The following ZSCAN22 variants were observed in gnomAD, a reference collection of about 807,000 sequenced individuals.
ZSCAN22 encodes the protein zinc finger and SCAN domain-containing protein 22.
ZSCAN22 carries 7 observed loss-of-function variants against 12.4 expected under a neutral mutation model. The ratio of observed to expected loss-of-function variants is 0.57; its 90% confidence interval spans 0.32 to 1.06. The LOEUF (loss-of-function observed/expected upper bound fraction) is 1.06. ZSCAN22 is among the 50% of genes least tolerant of loss of function. The probability of loss-of-function intolerance (pLI) is 0.04; values close to 1 mark genes in which losing one functional copy is unlikely to be tolerated. For synonymous variants in ZSCAN22, 243 were observed against 255.9 expected (o/e 0.95, Z 0.48); for missense variants, 576 against 631.7 (o/e 0.91, Z 0.94).
intron 1 of ZSCAN22, among the ~76,000 whole-genome samples, chr19:58,332,729 C>T (rs1479594881): frequency 6.6e-6 from 1 of 152,156 alleles, no homozygotes; most frequent in African/African-American, 2.4e-5. Flanking sequence ...GATTGTTTCT[C>T]CTTTTTTGCT....
intron 1 of ZSCAN22, among the ~76,000 whole-genome samples, chr19:58,331,750 T>C (rs1455419315): frequency 5.3e-5 from 8 of 151,030 alleles, no homozygotes. Context: ...TTTAATCATG[T>C]TGGCCAGGAT....
intron 1 of ZSCAN22, among the ~76,000 whole-genome samples, chr19:58,328,133 G>A (rs2051678581): frequency 6.6e-6 from 1 of 152,244 alleles, no homozygotes; most frequent in South Asian, 2.1e-4. Context: ...TTATAGGCAT[G>A]AGCCACCATG....
rs757093051 is a variant in ZSCAN22 at position 58,334,998 on chromosome 19, G to A, written c.196G>A (p.Ala66Thr). ...RYEEASGPHEALAHLRALCCQ... is the reference protein window; with the variant it reads ...RYEEASGPHETLAHLRALCCQ... ...TGAGGAGGCATCTGGTCCACACGAG[G>A]CCCTGGCCCACCTCCGAGCGCTGTG... is the stretch of plus-strand genomic sequence containing the variant. The change falls in exon 2 of 3, where the codon GCC (alanine) becomes ACC (threonine). Residue 66 changes from alanine (A) to threonine (T), a missense_variant. Ala to Thr is a moderately conservative substitution (Grantham distance 58). Transcript: ENST00000329665. 18 of 1,613,964 alleles carry A rather than the reference G, an allele frequency of 1.1e-5. 1 individual carries two copies. The Admixed American group carries it at 1.2e-4, about 10-fold the overall frequency.
chr19:58,336,189 C>A (rs1350853794), intron 2 of ZSCAN22, among the ~76,000 whole-genome samples: 1 of 152,202 alleles, frequency 6.6e-6, no homozygotes, highest in Admixed American at 6.5e-5. Flanking sequence ...TAAAAACGCC[C>A]ACCTTAGTGG....
In ZSCAN22 at chr19:58,335,371, G is replaced by C. The variant is rs894941363; in HGVS notation, c.403+166G>C. Among the ~76,000 whole-genome samples, 6 of 152,190 alleles carry C rather than the reference G, an allele frequency of 3.9e-5. No homozygotes were observed. Among genetic ancestry groups the C allele is most frequent in the Non-Finnish European group, 7.4e-5 (5 of 68,022 alleles). Reference sequence around the variant, plus strand: ...GTAGACAGGTGTGTTTTGGTTGCAGGTGACCAAAAGCGAGCTGAAATGGGC... The same window carrying C: ...GTAGACAGGTGTGTTTTGGTTGCAGCTGACCAAAAGCGAGCTGAAATGGGC... On this transcript the variant is annotated intron_variant, in intron 2 of 2. Transcript: ENST00000329665. The surrounding 1 kb of genome is among the most constrained non-coding windows in gnomAD (Gnocchi z 4.1).
rs762641497 is a variant in ZSCAN22, at chr19:58,339,187, C to T, written c.1337C>T (p.Ala446Val). The change falls in exon 3 of 3, where the codon GCA (alanine) becomes GTA (valine). Residue 446 changes from alanine to valine, a missense_variant. Ala to Val is a moderately conservative substitution (Grantham distance 64). Transcript: ENST00000329665. The surrounding 1 kb of genome is among the most constrained non-coding windows in gnomAD (Gnocchi z 5.6). ...TGTAAGGTTTGTCCGAAGGCCTTTG[C>T]ACAGAGCTCCTCCCTCATTGAGCAC... is the stretch of plus-strand genomic sequence containing the variant. Reference protein sequence around the residue: ...YQCKVCPKAFAQSSSLIEHQR... With the variant: ...YQCKVCPKAFVQSSSLIEHQR... 1 of 1,613,988 alleles carries T rather than the reference C, an allele frequency of 6.2e-7. No individual in the cohort carries two copies. The highest frequency in any genetic ancestry group is 1.3e-5 in the African/African-American group (1 of 74,920).
At chr19:58,331,369 G>A (rs60818748) in intron 1 of ZSCAN22, among the ~76,000 whole-genome samples, 15,437 of 144,466 alleles carry the variant, frequency 0.11, 1,269 homozygotes, top group African/African-American at 0.22. Context: ...GGCCCCCGCT[G>A]CCACGCCTGT....
rs62116373 is a variant in ZSCAN22 at position 58,338,840 on chromosome 19, G to A, written c.990G>A (p.Gly330=). The A allele has an allele frequency of 0.017, 27,343 of 1,614,142 alleles. 281 individuals carry two copies. Among genetic ancestry groups the A allele is most frequent in the Non-Finnish European group, 0.02 (24,141 of 1,180,004 alleles). The change falls in exon 3 of 3, where the codon GGG becomes GGA. Residue 330 remains glycine, a synonymous_variant. Transcript: ENST00000329665. This position sits in a 1 kb window ranked among gnomAD's most constrained non-coding sequence, Gnocchi z 5.4. Reference sequence around the variant, plus strand: ...AGCCCCATGAGTGTAAGGAATGTGGGAAGGCCTTCAGCCGAGTCACCCACC... The same window carrying A: ...AGCCCCATGAGTGTAAGGAATGTGGAAAGGCCTTCAGCCGAGTCACCCACC... ...GAKPHECKEC[G]KAFSRVTHLT...
rs890191327 is a variant in ZSCAN22 at position 58,342,244 on chromosome 19, G to A, written c.*2918G>A. ...GGCTTAGAGAATGTAACTGACCAAA[G>A]TCACACTGCCAGGAACTGGAAGCAC... On this transcript the variant is annotated 3_prime_UTR_variant, in exon 3 of 3. Coordinates refer to ENST00000329665, the MANE Select transcript of ZSCAN22 (RefSeq NM_181846.3). 1.3e-5 allele frequency: 2 copies of A among 152,174 alleles called. No individual in the cohort carries two copies. The highest frequency in any genetic ancestry group is 4.8e-5 in the African/African-American group (2 of 41,420). The allele number at this position is 152,174 out of a possible 1,614,324, so 9.4% of individuals were successfully genotyped here.
At chr19:58,327,714 G>A (rs951656547) in intron 1 of ZSCAN22, among the ~76,000 whole-genome samples, 4 of 152,168 alleles carry the variant, frequency 2.6e-5, no homozygotes, top group African/African-American at 9.7e-5. Flanking sequence ...TACGTGGGTT[G>A]TGAGATACTG....
chr19:58,332,211 C>T (rs569893990), intron 1 of ZSCAN22, among the ~76,000 whole-genome samples: 33 of 150,790 alleles, frequency 2.2e-4, no homozygotes, highest in Non-Finnish European at 4.0e-4. Context: ...ATTCCCAAAC[C>T]TATTAGCAAC....
Position 58,338,589 on chromosome 19 carries a change from A to G in ZSCAN22, c.739A>G (p.Lys247Glu), listed in dbSNP as rs1351855322. The change falls in exon 3 of 3, where the codon AAA becomes GAA. Residue 247 changes from lysine to glutamate, a missense_variant. Coordinates refer to ENST00000329665, the MANE Select transcript of ZSCAN22 (RefSeq NM_181846.3). This position sits in a 1 kb window ranked among gnomAD's most constrained non-coding sequence, Gnocchi z 5.4. ...TSQEKPPSED[K>E]FDLVDAYGTE... ...CCAAGAGAAGCCTCCTTCAGAAGACAAATTTGATCTGGTGGATGCTTATGG... is the reference window on the plus strand; with the variant it reads ...CCAAGAGAAGCCTCCTTCAGAAGACGAATTTGATCTGGTGGATGCTTATGG... The G allele has an allele frequency of 1.2e-6, 2 of 1,614,232 alleles. No homozygotes were observed. Among genetic ancestry groups the G allele is most frequent in the Non-Finnish European group, 1.7e-6 (2 of 1,180,032 alleles).
Position 58,338,271 on chromosome 19 carries a change from G to C in ZSCAN22, c.421G>C (p.Glu141Gln). Reference protein sequence around the residue: ...LDKRGWDPGAEPTEASCKQSD... With the variant: ...LDKRGWDPGAQPTEASCKQSD... Reference sequence around the variant, plus strand: ...TGTTTCAGGATGGGATCCAGGAGCCGAGCCCACAGAGGCAAGCTGCAAGCA... The same window carrying C: ...TGTTTCAGGATGGGATCCAGGAGCCCAGCCCACAGAGGCAAGCTGCAAGCA... Residue 141 changes from glutamate (E) to glutamine (Q), a missense_variant, in exon 3 of 3, where the codon GAG becomes CAG. Physicochemically the swap from Glu to Gln is conservative, Grantham distance 29. Coordinates refer to ENST00000329665, the MANE Select transcript of ZSCAN22 (RefSeq NM_181846.3). This position sits in a 1 kb window ranked among gnomAD's most constrained non-coding sequence, Gnocchi z 5.4. The C allele has an allele frequency of 6.2e-7, 1 of 1,600,122 alleles. No individual in the cohort carries two copies. Among genetic ancestry groups the C allele is most frequent in the South Asian group, 1.1e-5 (1 of 90,728 alleles).
In ZSCAN22 at chr19:58,338,156, G is replaced by A; in HGVS notation, c.404-98G>A. On this transcript the variant is annotated intron_variant, in intron 2 of 2. Coordinates refer to ENST00000329665, the MANE Select transcript of ZSCAN22 (RefSeq NM_181846.3). This position sits in a 1 kb window ranked among gnomAD's most constrained non-coding sequence, Gnocchi z 5.4. The stretch of plus-strand genomic sequence containing the variant: ...AACTGGGGCCAGATGTTAGGAACGG[G>A]CCACATCTCCCCTTACAAAGTGTGA... 1 of 1,142,300 alleles carries A rather than the reference G, an allele frequency of 8.8e-7. No homozygotes were observed. Among genetic ancestry groups the A allele is most frequent in the Non-Finnish European group, 1.2e-6 (1 of 803,646 alleles). The allele number at this position is 1,142,300 out of a possible 1,614,324, so 70.8% of individuals were successfully genotyped here. A position where few individuals can be genotyped will look rare whatever the true frequency, so the allele number is the denominator to read the frequency against.
rs1192631846 is a variant in ZSCAN22 at position 58,329,624 on chromosome 19, G to A, written c.-52+2510G>A. Reference sequence around the variant, plus strand: ...CTCATCTTCAGTTTTGGTGAATATAGTACAATAAAATATTTTGAGAGAGAG... The same window carrying A: ...CTCATCTTCAGTTTTGGTGAATATAATACAATAAAATATTTTGAGAGAGAG... On this transcript the variant is annotated intron_variant, in intron 1 of 2. Transcript: ENST00000329665. The surrounding 1 kb of genome is among the most constrained non-coding windows in gnomAD (Gnocchi z 4.1). 1.3e-5 allele frequency among the ~76,000 whole-genome samples: 2 copies of A among 152,116 alleles called. No homozygotes were observed. The highest frequency in any genetic ancestry group is 1.5e-5 in the Non-Finnish European group (1 of 68,018).
rs139579517 is a variant in ZSCAN22, at chr19:58,335,017, C to G, written c.215C>G (p.Ala72Gly). The stretch of plus-strand genomic sequence containing the variant: ...CACGAGGCCCTGGCCCACCTCCGAG[C>G]GCTGTGCTGTCAGTGGCTGCAGCCC... ...GPHEALAHLRALCCQWLQPEA... is the reference protein window; with the variant it reads ...GPHEALAHLRGLCCQWLQPEA... The change falls in exon 2 of 3, where the codon GCG (alanine) becomes GGG (glycine). Residue 72 changes from alanine (A) to glycine (G), a missense_variant. Transcript: ENST00000329665. This position sits in a 1 kb window ranked among gnomAD's most constrained non-coding sequence, Gnocchi z 4.1. 4 of 1,614,002 alleles carry G rather than the reference C, an allele frequency of 2.5e-6. No individual in the cohort carries two copies. The Admixed American group carries it at 5.0e-5, about 20-fold the overall frequency.
In ZSCAN22 at chr19:58,334,770, G is replaced by A. The variant is rs573054950; in HGVS notation, c.-33G>A. ...CCTGCAGGCCCAGTTCCAAGGCTCCGGCATCCTGTGTCTCACTGAGCACTG... is the reference window on the plus strand; with the variant it reads ...CCTGCAGGCCCAGTTCCAAGGCTCCAGCATCCTGTGTCTCACTGAGCACTG... On this transcript the variant is annotated 5_prime_UTR_variant, in exon 2 of 3. Transcript: ENST00000329665. The A allele has an allele frequency of 2.6e-6, 4 of 1,548,970 alleles. No individual in the cohort carries two copies. Among genetic ancestry groups the A allele is most frequent in the Admixed American group, 1.8e-5 (1 of 54,350 alleles).
In ZSCAN22 at chr19:58,340,043, G is replaced by A. The variant is rs2051852523; in HGVS notation, c.*717G>A. On this transcript the variant is annotated 3_prime_UTR_variant, in exon 3 of 3. Transcript: ENST00000329665. Reference sequence around the variant, plus strand: ...TCCTTTTCCACCACTGCTACCTTATGTGAGCCCTCATTGCCTCTTGCCTGG... The same window carrying A: ...TCCTTTTCCACCACTGCTACCTTATATGAGCCCTCATTGCCTCTTGCCTGG... The A allele has an allele frequency of 6.6e-6, 1 of 152,416 alleles. No homozygotes were observed. The highest frequency in any genetic ancestry group is 1.5e-5 in the Non-Finnish European group (1 of 68,184). 9.4% of individuals were successfully genotyped at this position (152,416 alleles called of 1,614,324 possible).
Position 58,332,268 on chromosome 19 carries a change from CT to C in ZSCAN22, c.-51-2461del, listed in dbSNP as rs35345104. On this transcript the variant is annotated intron_variant, in intron 1 of 2. Transcript: ENST00000329665. ...TCAGCCTCTGACAAACACTAATATG[CT>C]TTTTTTTTTTTTTTTTTTTTTTGAG... 2.6e-3 allele frequency among the ~76,000 whole-genome samples: 211 copies of C among 81,676 alleles called. 1 individual carries two copies. Among genetic ancestry groups the C allele is most frequent in the South Asian group, 5.2e-3 (12 of 2,310 alleles). 53.6% of individuals were successfully genotyped at this position (81,676 alleles called of 152,430 possible).
Sources: allele counts gnomAD v4.1 joint callset (sites outside exome capture counted in the v4.1 genomes callset), GRCh38; gene constraint gnomAD v4.1.1; non-coding constraint Gnocchi (gnomAD v3.1); transcripts MANE v1.5; gene names NCBI Gene and HGNC (gene_info 2026-07-23, HGNC 2026-07-21).